PDE10A: variants seen among roughly 807,000 people sequenced by gnomAD.
PDE10A encodes the protein phosphodiesterase 10A.
A neutral mutation model predicts 97.7 loss-of-function variants in PDE10A; 39 were observed. The observed-to-expected ratio is 0.40, with a 90% CI of 0.31 to 0.52. The LOEUF (loss-of-function observed/expected upper bound fraction) is 0.52, where lower values mean the gene tolerates loss of function less well. Ranked by LOEUF, PDE10A falls within the 20% of genes least tolerant of loss-of-function variation. The pLI, the probability that PDE10A is intolerant of heterozygous loss-of-function variation, is 0.56. For synonymous variants in PDE10A, 371 were observed against 376.8 expected, an observed-to-expected ratio of 0.98 and a Z score of 0.18; for missense variants, 731 against 1,047.8, an observed-to-expected ratio of 0.70 and a Z score of 4.17.
intron 13 of PDE10A, among the ~76,000 whole-genome samples, chr6:165,398,299 C>T (rs1305035458): frequency 3.3e-5 from 5 of 152,102 alleles, no homozygotes; most frequent in African/African-American, 9.6e-5. Flanking sequence ...GCCAACATGG[C>T]GAAACCCTGT....
At chr6:165,521,728 G>C (rs939403926) in intron 2 of PDE10A, among the ~76,000 whole-genome samples, 1 of 152,192 alleles carries the variant, frequency 6.6e-6, no homozygotes, top group Non-Finnish European at 1.5e-5. Context: ...TCTGAAGCTA[G>C]TAGAGGTTAG....
At position 165,647,623 on chromosome 6, in the gene PDE10A, G is replaced by A. The variant is rs182555329; in HGVS notation, c.865+14324C>T. Among the ~76,000 whole-genome samples the A allele has an allele frequency of 2.8e-3, 418 of 151,922 alleles. 1 individual carries two copies. Among genetic ancestry groups the A allele is most frequent in the Non-Finnish European group, 3.8e-3 (256 of 67,984 alleles). On this transcript the variant is annotated intron_variant, in intron 1 of 21. Transcript: ENST00000539869. ...TTGCCAAGAAAGTGGAATTGCTTGC[G>A]GACTCCAGCCATTTCCTGATATCAG...
chr6:165,812,958 C>T (rs1489635229), intron 1 of PDE10A, among the ~76,000 whole-genome samples: 9 of 152,164 alleles, frequency 5.9e-5, no homozygotes. Context: ...AGTATCCACC[C>T]CTAATTTCTA....
intron 11 of PDE10A, among the ~76,000 whole-genome samples, chr6:165,417,712 T>C (rs1182475928): frequency 6.6e-6 from 1 of 152,134 alleles, no homozygotes; most frequent in Middle Eastern, 3.2e-3. Flanking sequence ...TCAGAGTTAA[T>C]GGACATGGAA....
At chr6:165,960,766 G>C (rs1377695316) in intron 1 of PDE10A, among the ~76,000 whole-genome samples, 1 of 152,198 alleles carries the variant, frequency 6.6e-6, no homozygotes, top group African/African-American at 2.4e-5. Flanking sequence ...GCTGCGCATA[G>C]AGCACAGACA....
chr6:165,403,136 G>A lies in PDE10A; in HGVS notation c.2077-6677C>T, dbSNP rs905358754. Among the ~76,000 whole-genome samples, 5 of 152,268 alleles carry A rather than the reference G, an allele frequency of 3.3e-5. No homozygotes were observed. In the East Asian group the frequency reaches 7.7e-4, roughly 23 times the overall value. On this transcript the variant is annotated intron_variant, in intron 13 of 21. Coordinates refer to ENST00000539869, the MANE Select transcript of PDE10A (RefSeq NM_001385079.1). ...TGTAACGTTCAATGGAATAACACGG[G>A]GAAAGGCTAAGGAAAAGCACTGGCC...
intron 1 of PDE10A, among the ~76,000 whole-genome samples, chr6:165,984,431 C>T (rs1040411049): frequency 3.3e-5 from 5 of 152,200 alleles, no homozygotes; most frequent in African/African-American, 9.7e-5. Context: ...GGCAGTCATA[C>T]ATTTATTAAT....
intron 1 of PDE10A, among the ~76,000 whole-genome samples, chr6:165,970,956 T>A (rs1784651394): frequency 6.6e-6 from 1 of 152,174 alleles, no homozygotes; most frequent in Non-Finnish European, 1.5e-5. Context: ...AGACCCAGCC[T>A]GGCCAACATG....
intron 18 of PDE10A, among the ~76,000 whole-genome samples, chr6:165,353,626 C>G (rs1462214895): frequency 1.3e-5 from 2 of 152,110 alleles, no homozygotes; most frequent in African/African-American, 2.4e-5. Flanking sequence ...TGGAAAAAGC[C>G]AATTTGAAAG....
chr6:165,628,473 C>A (rs1385091603), intron 1 of PDE10A, among the ~76,000 whole-genome samples: 2 of 152,084 alleles, frequency 1.3e-5, no homozygotes, highest in Non-Finnish European at 2.9e-5. Context: ...CTAGCCTGAG[C>A]CTCCTAAGTA....
chr6:165,728,825 C>T (rs1022514587), intron 1 of PDE10A, among the ~76,000 whole-genome samples: 2 of 152,138 alleles, frequency 1.3e-5, no homozygotes, highest in Non-Finnish European at 2.9e-5. Flanking sequence ...GTCTTTGGGG[C>T]TTGAGATGAC....
chr6:165,672,283 C>A (rs757518804), intron 1 of PDE10A, among the ~76,000 whole-genome samples: 1 of 152,192 alleles, frequency 6.6e-6, no homozygotes, highest in Non-Finnish European at 1.5e-5. Context: ...CAATTTAGGA[C>A]AAACACATCA....
intron 1 of PDE10A, among the ~76,000 whole-genome samples, chr6:165,865,652 A>G: frequency 6.6e-6 from 1 of 152,154 alleles, no homozygotes; most frequent in East Asian, 1.9e-4. Flanking sequence ...AATAATAAAT[A>G]CAATCAAGAG....
chr6:165,635,010 C>A (rs1010820333), intron 1 of PDE10A, among the ~76,000 whole-genome samples: 1 of 152,146 alleles, frequency 6.6e-6, no homozygotes, highest in Non-Finnish European at 1.5e-5. Flanking sequence ...GACTACTACT[C>A]CTCCAGGTTG....
intron 1 of PDE10A, among the ~76,000 whole-genome samples, chr6:165,674,462 G>C (rs777084841): frequency 2.0e-5 from 3 of 152,200 alleles, no homozygotes; most frequent in African/African-American, 7.2e-5. Flanking sequence ...TGGGGAGAAA[G>C]CGGAAGTGGC....
chr6:165,335,773 G>T (rs540267703), intron 21 of PDE10A, among the ~76,000 whole-genome samples: 2 of 151,974 alleles, frequency 1.3e-5, no homozygotes, highest in South Asian at 2.1e-4. Context: ...AGCGAGAAGG[G>T]TCTCCCACAC....
intron 1 of PDE10A, among the ~76,000 whole-genome samples, chr6:165,879,721 T>C (rs1427073444): frequency 2.0e-5 from 3 of 152,248 alleles, no homozygotes; most frequent in Non-Finnish European, 4.4e-5. Context: ...CTACTTCTAA[T>C]ACCTAATGTA....
chr6:165,781,101 C>T (rs952822453), intron 1 of PDE10A: 5 of 152,204 alleles, frequency 3.3e-5, no homozygotes, highest in African/African-American at 1.2e-4. Context: ...GGAATAGTCC[C>T]ATGAGAGTGG....
chr6:165,351,384 C>T (rs1332569177), intron 18 of PDE10A, among the ~76,000 whole-genome samples: 7 of 151,738 alleles, frequency 4.6e-5, no homozygotes, highest in African/African-American at 1.5e-4. Flanking sequence ...CAGCAAAAGT[C>T]AAGATAATGT....
Sources: allele counts gnomAD v4.1 joint callset (sites outside exome capture counted in the v4.1 genomes callset), GRCh38; gene constraint gnomAD v4.1.1; transcripts MANE v1.5; gene names NCBI Gene and HGNC (gene_info 2026-07-23, HGNC 2026-07-21).